Variants in CEP164 observed in about 807,000 individuals in gnomAD.
CEP164 encodes centrosomal protein of 164 kDa.
Under a neutral mutation model 182.7 loss-of-function variants are expected in CEP164, and 162 were observed. The observed-to-expected ratio is 0.89, with a 90% CI of 0.78 to 1.01. The LOEUF (loss-of-function observed/expected upper bound fraction) is 1.01. Ranked by LOEUF, CEP164 falls within the 50% of genes least tolerant of loss-of-function variation. CEP164 has a pLI of 0.00. For missense variants in CEP164, 1,735 were observed against 1,790.4 expected (o/e 0.97, Z 0.56); for synonymous variants, 661 against 690.0 (o/e 0.96, Z 0.66).
At chr11:117,355,212 C>A in intron 5 of CEP164, 1 of 1,289,826 alleles carries the variant, frequency 7.8e-7, no homozygotes. Flanking sequence ...AGGGCCCCAG[C>A]CCAATGCAGG....
chr11:117,391,161 A>G lies in CEP164; in HGVS notation c.2229A>G (p.Ala743=), dbSNP rs1025660781. Residue 743 remains alanine (A), a synonymous_variant, in exon 17 of 33, where the codon GCA becomes GCG. Transcript: ENST00000278935. ...EKSEQAALNA[A]KEKALQQLRE... ...GCGAGCAGGCTGCCCTGAATGCTGC[A>G]AAGGAGAAGGCTCTGCAGCAGCTGA... The G allele has an allele frequency of 6.8e-6, 11 of 1,613,364 alleles. No homozygotes were observed. Among genetic ancestry groups the G allele is most frequent in the African/African-American group, 1.3e-5 (1 of 74,884 alleles).
At chr11:117,368,278 A>G (rs1458417860) in intron 8 of CEP164, among the ~76,000 whole-genome samples, 1 of 152,084 alleles carries the variant, frequency 6.6e-6, no homozygotes, top group Admixed American at 6.6e-5. Context: ...TCGGGGTAGT[A>G]TGTGTGTATG....
Position 117,410,833 on chromosome 11 carries a change from A to T in CEP164, c.4102A>T (p.Ile1368Phe). 1 of 1,612,598 alleles carries T rather than the reference A, an allele frequency of 6.2e-7. No individual in the cohort carries two copies. The highest frequency in any genetic ancestry group is 8.5e-7 in the Non-Finnish European group (1 of 1,179,210). Residue 1368 changes from isoleucine (I) to phenylalanine (F), a missense_variant, in exon 31 of 33, where the codon ATC (isoleucine) becomes TTC (phenylalanine). Physicochemically the swap from Ile to Phe is conservative, Grantham distance 21 (BLOSUM62 0). Coordinates refer to ENST00000278935, the MANE Select transcript of CEP164 (RefSeq NM_014956.5). ...EKWRKYFPSGIPLLSNSPTPL... is the reference protein window; with the variant it reads ...EKWRKYFPSGFPLLSNSPTPL... ...CTGTCCCCATGCTCTTCCAGCTGGCATCCCGCTGCTCAGCAACAGCCCCAC... is the reference window on the plus strand; with the variant it reads ...CTGTCCCCATGCTCTTCCAGCTGGCTTCCCGCTGCTCAGCAACAGCCCCAC...
At chr11:117,396,711 G>A (rs902307185) in intron 26 of CEP164, 100 bp downstream of exon 26, 2 of 943,670 alleles carry the variant, frequency 2.1e-6, no homozygotes, top group Non-Finnish European at 3.5e-6. Context: ...TGAGGAGACG[G>A]TGATCACCAG....
In CEP164 at chr11:117,371,459, C is replaced by T; in HGVS notation, c.1145C>T (p.Ala382Val). 6.2e-7 allele frequency: 1 copy of T among 1,607,606 alleles called. No homozygotes were observed. Among genetic ancestry groups the T allele is most frequent in the East Asian group, 2.2e-5 (1 of 44,808 alleles). ...ASALEEGSSD[A>V]SQELEISEHM... ...GCTCTGGAAGAGGGCAGTTCAGACG[C>T]CAGCCAAGTAAGTCACTGTATCCCA... Residue 382 changes from alanine (A) to valine (V), a missense_variant, in exon 9 of 33, where the codon GCC becomes GTC. By Grantham distance (64) the Ala-to-Val change is moderately conservative (BLOSUM62 0). Transcript: ENST00000278935.
chr11:117,405,337 G>A (rs748677673), intron 27 of CEP164, among the ~76,000 whole-genome samples: 11 of 152,318 alleles, frequency 7.2e-5, no homozygotes, highest in East Asian at 3.9e-4. Flanking sequence ...TGGGAAAAGC[G>A]TAGTATCTGG....
Position 117,399,592 on chromosome 11 carries a change from T to G in CEP164, c.3501+2279T>G, listed in dbSNP as rs552729333. ...CCACAGTGGTTGAACTAATTTATGCTTACACCAACAGTGCAAAAGCATTCC... is the reference window on the plus strand; with the variant it reads ...CCACAGTGGTTGAACTAATTTATGCGTACACCAACAGTGCAAAAGCATTCC... On this transcript the variant is annotated intron_variant, in intron 27 of 32. Transcript: ENST00000278935. 9.8e-5 allele frequency among the ~76,000 whole-genome samples: 15 copies of G among 152,334 alleles called. 1 individual carries two copies. The South Asian group carries it at 3.1e-3, about 32-fold the overall frequency.
chr11:117,398,108 A>G (rs1000639739), intron 27 of CEP164, among the ~76,000 whole-genome samples: 2 of 152,204 alleles, frequency 1.3e-5, no homozygotes, highest in Non-Finnish European at 2.9e-5. Context: ...GCCATTCCAA[A>G]TGGGAGAAAT....
At chr11:117,372,879 A>G (rs548214214) in intron 9 of CEP164, among the ~76,000 whole-genome samples, 2 of 152,312 alleles carry the variant, frequency 1.3e-5, no homozygotes, top group South Asian at 4.1e-4. Flanking sequence ...ATTAGGTGAC[A>G]AGAAGACCCT....
chr11:117,382,830 A>T lies in CEP164; in HGVS notation c.1612A>T (p.Lys538Ter). 6.2e-7 allele frequency: 1 copy of T among 1,614,112 alleles called. No individual in the cohort carries two copies. The highest frequency in any genetic ancestry group is 8.5e-7 in the Non-Finnish European group (1 of 1,180,006). Reference sequence around the variant, plus strand: ...CCCAAGCCCACCTGCTGCCTGTGAGAAGGGCAAGGAGCAGCATTCCCAGGC... The same window carrying T: ...CCCAAGCCCACCTGCTGCCTGTGAGTAGGGCAAGGAGCAGCATTCCCAGGC... ...QAPSPPAACE[K>*]GKEQHSQAEE... Residue 538 changes from lysine (K) to a stop codon, truncating the protein, a stop_gained, in exon 14 of 33, where the codon AAG becomes TAG. Transcript: ENST00000278935. LOFTEE classifies it high-confidence loss of function.
rs1168873767 is a variant in CEP164 at position 117,412,217 on chromosome 11, C to G, written c.*49C>G. ...AGCCCAGCCTCTCCTCCACCCAGAC[C>G]AAGTGCCTGAGGAGCTGCCTGCCTT... On this transcript the variant is annotated 3_prime_UTR_variant, in exon 33 of 33. Coordinates refer to ENST00000278935, the MANE Select transcript of CEP164 (RefSeq NM_014956.5). The G allele has an allele frequency of 2.3e-5, 35 of 1,530,372 alleles. No individual in the cohort carries two copies. Among genetic ancestry groups the G allele is most frequent in the Non-Finnish European group, 3.0e-5 (34 of 1,117,754 alleles). The allele number at this position is 1,530,372 out of a possible 1,614,324, so 94.8% of individuals were successfully genotyped here.
Position 117,409,733 on chromosome 11 carries a change from G to A in CEP164, c.3864G>A (p.Gln1288=), listed in dbSNP as rs2047111010. The A allele has an allele frequency of 6.2e-7, 1 of 1,613,824 alleles. No homozygotes were observed. The highest frequency in any genetic ancestry group is 1.3e-5 in the African/African-American group (1 of 74,902). ...GCATCCTGGACAGCCTCAACCCTCAGTCGCCGCCGCCGCTCCTCGCCTCCA... is the reference window on the plus strand; with the variant it reads ...GCATCCTGGACAGCCTCAACCCTCAATCGCCGCCGCCGCTCCTCGCCTCCA... ...VLSILDSLNP[Q]SPPPLLASMP... is the part of the protein sequence containing the mutation. Residue 1288 remains glutamine, a synonymous_variant, in exon 30 of 33, where the codon CAG becomes CAA. Coordinates refer to ENST00000278935, the MANE Select transcript of CEP164 (RefSeq NM_014956.5). This position sits in a 1 kb window ranked among gnomAD's most constrained non-coding sequence, Gnocchi z 4.4.
intron 4 of CEP164, among the ~76,000 whole-genome samples, chr11:117,347,574 G>T (rs2135348767): frequency 6.6e-6 from 1 of 151,910 alleles, no homozygotes; most frequent in East Asian, 1.9e-4. Context: ...GCCAGGCGTG[G>T]TGGCACATGC....
chr11:117,410,103 C>T (rs778466475), intron 30 of CEP164, 138 bp downstream of exon 30: 10 of 837,158 alleles, frequency 1.2e-5, no homozygotes, highest in South Asian at 5.8e-5. Context: ...CCTCCCCCAA[C>T]GTTACCATAG....
chr11:117,405,467 C>T (rs752464737), intron 27 of CEP164, among the ~76,000 whole-genome samples: 9 of 152,164 alleles, frequency 5.9e-5, no homozygotes, highest in Non-Finnish European at 1.3e-4. Flanking sequence ...TTGGCTCGCC[C>T]TCCATCGGCT....
At chr11:117,408,487 G>C (rs112447861) in intron 28 of CEP164, 1 of 251,746 alleles carries the variant, frequency 4.0e-6, no homozygotes, top group African/African-American at 2.2e-5. Context: ...GGTGGTGGGG[G>C]TCTGTGTGGA....
chr11:117,322,861 G>A (rs1163207414), upstream of CEP164, among the ~76,000 whole-genome samples: 1 of 141,940 alleles, frequency 7.0e-6, no homozygotes, highest in African/African-American at 2.6e-5. Context: ...CACCTCCCAG[G>A]TTCAAGCAAT....
chr11:117,391,171 G>T lies in CEP164; in HGVS notation c.2239G>T (p.Ala747Ser), dbSNP rs757511838. ...QAALNAAKEK[A>S]LQQLREQLEG... ...TGCCCTGAATGCTGCAAAGGAGAAG[G>T]CTCTGCAGCAGCTGAGGGAGCAGCT... Residue 747 changes from alanine (A) to serine (S), a missense_variant, in exon 17 of 33, where the codon GCT becomes TCT. Physicochemically the swap from Ala to Ser is moderately conservative, Grantham distance 99. Coordinates refer to ENST00000278935, the MANE Select transcript of CEP164 (RefSeq NM_014956.5). The T allele has an allele frequency of 6.2e-7, 1 of 1,613,072 alleles. No individual in the cohort carries two copies. The highest frequency in any genetic ancestry group is 8.5e-7 in the Non-Finnish European group (1 of 1,179,826).
intron 4 of CEP164, among the ~76,000 whole-genome samples, chr11:117,351,061 T>G (rs1000098569): frequency 3.3e-5 from 5 of 152,212 alleles, no homozygotes; most frequent in African/African-American, 9.7e-5. Flanking sequence ...AGATGGAGTT[T>G]CGCTCTTATT....
Sources: allele counts gnomAD v4.1 joint callset (sites outside exome capture counted in the v4.1 genomes callset), GRCh38; gene constraint gnomAD v4.1.1; non-coding constraint Gnocchi (gnomAD v3.1); transcripts MANE v1.5; gene names NCBI Gene and HGNC (gene_info 2026-07-23, HGNC 2026-07-21).